Variants in OR1D2 observed in about 807,000 individuals in gnomAD.
OR1D2 encodes the protein olfactory receptor family 1 subfamily D member 2.
For synonymous variants in OR1D2, 157 were observed against 153.9 expected, an observed-to-expected ratio of 1.02 and a Z score of -0.15; for missense variants, 357 against 376.1, an observed-to-expected ratio of 0.95 and a Z score of 0.42.
At position 3,092,878 on chromosome 17, in the gene OR1D2, A is replaced by G. The variant is rs761277534; in HGVS notation, c.119T>C (p.Val40Ala). 2 of 1,614,038 alleles carry G rather than the reference A, an allele frequency of 1.2e-6. No individual in the cohort carries two copies. The highest frequency in any genetic ancestry group is 1.7e-6 in the Non-Finnish European group (2 of 1,180,010). Residue 40 changes from valine (V) to alanine (A), a missense_variant, in exon 2 of 2, where the codon GTG (valine) becomes GCG (alanine). Transcript: ENST00000641833. ...GGCCAGGATGATGAGCACATTTCCCACCACCGTGACCAGGTACATGGACAG... is the reference window on the plus strand; with the variant it reads ...GGCCAGGATGATGAGCACATTTCCCGCCACCGTGACCAGGTACATGGACAG... The part of the protein sequence containing the change: ...MFLSMYLVTV[V>A]GNVLIILAIS...
intron 1 of OR1D2, among the ~76,000 whole-genome samples, chr17:3,100,813 A>G (rs376557166): frequency 3.3e-5 from 5 of 152,362 alleles, no homozygotes; most frequent in East Asian, 1.9e-4. Context: ...AGAACCAAAT[A>G]GACACAATAA....
At chr17:3,099,491 C>T (rs1226068887) in intron 1 of OR1D2, among the ~76,000 whole-genome samples, 1 of 152,140 alleles carries the variant, frequency 6.6e-6, no homozygotes, top group African/African-American at 2.4e-5. Context: ...GATTTCATCA[C>T]CACCAGGCCT....
intron 1 of OR1D2, among the ~76,000 whole-genome samples, chr17:3,094,117 AT>A (rs1323158585): frequency 1.3e-5 from 2 of 152,194 alleles, no homozygotes; most frequent in African/African-American, 4.8e-5. Context: ...AAAACGTGGA[AT>A]TTGGCAGATT....
chr17:3,093,150 AT>A, intron 1 of OR1D2, 104 bp from the exon 2 acceptor site: 1 of 722,396 alleles, frequency 1.4e-6, no homozygotes, highest in Admixed American at 3.0e-5. Flanking sequence ...AAAGTGAAAA[AT>A]ATAACAAAGT....
At chr17:3,095,583 A>G (rs182898817) in intron 1 of OR1D2, among the ~76,000 whole-genome samples, 1 of 152,160 alleles carries the variant, frequency 6.6e-6, no homozygotes, top group Non-Finnish European at 1.5e-5. Context: ...AGGAAAGAAC[A>G]GTGATAAAGT....
chr17:3,095,818 G>A (rs186882727), intron 1 of OR1D2, among the ~76,000 whole-genome samples: 84 of 151,996 alleles, frequency 5.5e-4, no homozygotes, highest in African/African-American at 1.8e-3. Context: ...CATGTTTGTC[G>A]ATTACAGCAT....
chr17:3,100,584 A>C (rs1567949802), intron 1 of OR1D2, among the ~76,000 whole-genome samples: 1 of 152,208 alleles, frequency 6.6e-6, no homozygotes, highest in Admixed American at 6.5e-5. Flanking sequence ...GAAAGATCTC[A>C]AATCAACACC....
chr17:3,093,391 T>A (rs1377974978), intron 1 of OR1D2, among the ~76,000 whole-genome samples: 2 of 152,194 alleles, frequency 1.3e-5, no homozygotes, highest in Non-Finnish European at 2.9e-5. Context: ...TAGGAACAAT[T>A]ATTATTTGTT....
At position 3,092,957 on chromosome 17, in the gene OR1D2, G is replaced by A; in HGVS notation, c.40C>T (p.Leu14Phe). The A allele has an allele frequency of 6.2e-7, 1 of 1,613,934 alleles. No homozygotes were observed. Among genetic ancestry groups the A allele is most frequent in the Non-Finnish European group, 8.5e-7 (1 of 1,179,974 alleles). ...TCAGGACTCTCTGACATCCCCAGGA[G>A]AAGGAACTCTGAACCTTCACTCTGG... is the stretch of plus-strand genomic sequence containing the variant. ...GNQSEGSEFL[L>F]LGMSESPEQQ... Residue 14 changes from leucine to phenylalanine, a missense_variant, in exon 2 of 2, where the codon CTC becomes TTC. Transcript: ENST00000641833.
chr17:3,092,694 G>A lies in OR1D2; in HGVS notation c.303C>T (p.Leu101=), dbSNP rs755509617. 1 of 1,614,106 alleles carries A rather than the reference G, an allele frequency of 6.2e-7. No individual in the cohort carries two copies. Among genetic ancestry groups the A allele is most frequent in the Non-Finnish European group, 8.5e-7 (1 of 1,180,030 alleles). The change falls in exon 2 of 2, where the codon CTC becomes CTT. Residue 101 remains leucine, a synonymous_variant. Transcript: ENST00000641833. Reference sequence around the variant, plus strand: ...GGGCCACCAAGGAGACCAGGAAGTAGAGCTGTGTCAGACACCCTGCATAGG... The same window carrying A: ...GGGCCACCAAGGAGACCAGGAAGTAAAGCTGTGTCAGACACCCTGCATAGG... ...AISYAGCLTQ[L]YFLVSLVALD... is the part of the protein sequence containing the mutation.
At chr17:3,097,680 C>G (rs1030558083) in intron 1 of OR1D2, among the ~76,000 whole-genome samples, 1 of 152,188 alleles carries the variant, frequency 6.6e-6, no homozygotes, top group Non-Finnish European at 1.5e-5. Flanking sequence ...AAAACTAGCA[C>G]CATAGCTGCA....
Position 3,092,721 on chromosome 17 carries a change from G to A in OR1D2, c.276C>T (p.Ile92=). 6.2e-7 allele frequency: 1 copy of A among 1,614,146 alleles called. No individual in the cohort carries two copies. Among genetic ancestry groups the A allele is most frequent in the Non-Finnish European group, 8.5e-7 (1 of 1,180,028 alleles). The change falls in exon 2 of 2, where the codon ATC becomes ATT. Residue 92 remains isoleucine (I), a synonymous_variant. Coordinates refer to ENST00000641833, the MANE Select transcript of OR1D2 (RefSeq NM_002548.3). ...GCTGTGTCAGACACCCTGCATAGGAGATGGCTTTGTTATGGGACTGGAGGT... is the reference window on the plus strand; with the variant it reads ...GCTGTGTCAGACACCCTGCATAGGAAATGGCTTTGTTATGGGACTGGAGGT... ...LVNLQSHNKA[I]SYAGCLTQLY... is the part of the protein sequence containing the mutation.
chr17:3,098,789 T>C (rs2047860727), intron 1 of OR1D2, among the ~76,000 whole-genome samples: 2 of 152,014 alleles, frequency 1.3e-5, no homozygotes, highest in Non-Finnish European at 2.9e-5. Context: ...TGATAAAAGG[T>C]TACAGGAGCT....
chr17:3,101,010 T>G (rs985479668), intron 1 of OR1D2, among the ~76,000 whole-genome samples: 1 of 152,162 alleles, frequency 6.6e-6, no homozygotes, highest in Non-Finnish European at 1.5e-5. Context: ...TAACAAGTTC[T>G]GAAATTGAGG....
In OR1D2 at chr17:3,089,536, C is replaced by G. The variant is rs2047793907; in HGVS notation, c.*2522G>C. ...TGTGGTAGCATAGGGGGGATACAAA[C>G]TTGCCCTAAGGTGGCCTGGATAAGT... is the stretch of plus-strand genomic sequence containing the variant. On this transcript the variant is annotated 3_prime_UTR_variant, in exon 2 of 2. Coordinates refer to ENST00000641833, the MANE Select transcript of OR1D2 (RefSeq NM_002548.3). The G allele has an allele frequency of 6.6e-6, 1 of 152,296 alleles. No individual in the cohort carries two copies. The highest frequency in any genetic ancestry group is 1.5e-5 in the Non-Finnish European group (1 of 68,128). 9.4% of individuals were successfully genotyped at this position (152,296 alleles called of 1,614,324 possible).
chr17:3,103,343 C>G (rs183285206), intron 1 of OR1D2, among the ~76,000 whole-genome samples: 9 of 152,240 alleles, frequency 5.9e-5, no homozygotes, highest in African/African-American at 1.9e-4. Flanking sequence ...CGGGTTCAAG[C>G]CATTCTCCTG....
intron 1 of OR1D2, among the ~76,000 whole-genome samples, chr17:3,100,150 T>C (rs1020185628): frequency 6.6e-6 from 1 of 152,246 alleles, no homozygotes; most frequent in South Asian, 2.1e-4. Flanking sequence ...AACAAAGATA[T>C]TCAGGACTTG....
intron 1 of OR1D2, among the ~76,000 whole-genome samples, chr17:3,093,334 G>A (rs2047826994): frequency 6.6e-6 from 1 of 152,142 alleles, no homozygotes; most frequent in South Asian, 2.1e-4. Flanking sequence ...GATACATGCA[G>A]TATAAGTAGT....
intron 1 of OR1D2, among the ~76,000 whole-genome samples, chr17:3,096,658 A>G (rs1291703375): frequency 6.6e-6 from 1 of 152,234 alleles, no homozygotes; most frequent in Non-Finnish European, 1.5e-5. Context: ...TATAATGACA[A>G]GTGGGTCAAT....
Sources: allele counts gnomAD v4.1 joint callset (sites outside exome capture counted in the v4.1 genomes callset), GRCh38; gene constraint gnomAD v4.1.1; transcripts MANE v1.5; gene names NCBI Gene and HGNC (gene_info 2026-07-23, HGNC 2026-07-21).